The following DAB2IP variants were observed in gnomAD, a reference collection of about 807,000 sequenced individuals.
DAB2IP encodes the protein DAB2 interacting protein.
DAB2IP carries 28 observed loss-of-function variants against 107.2 expected under a neutral mutation model. That is an observed-to-expected ratio of 0.26 (90% CI 0.19 to 0.36). The LOEUF (loss-of-function observed/expected upper bound fraction) is 0.36, where lower values mean the gene tolerates loss of function less well. Ranked by LOEUF, DAB2IP falls within the 10% of genes least tolerant of loss-of-function variation. The probability of loss-of-function intolerance (pLI) is 1.00; values close to 1 mark genes in which losing one functional copy is unlikely to be tolerated. For synonymous variants in DAB2IP, 755 were observed against 706.4 expected, an observed-to-expected ratio of 1.07 and a Z score of -1.09; for missense variants, 1,400 against 1,644.7, an observed-to-expected ratio of 0.85 and a Z score of 2.57.
At position 121,684,639 on chromosome 9, in the gene DAB2IP, A is replaced by G. The variant is rs769168099; in HGVS notation, c.228+5858A>G. Among the ~76,000 whole-genome samples the G allele has an allele frequency of 2.7e-4, 41 of 152,192 alleles. No homozygotes were observed. The highest frequency in any genetic ancestry group is 2.6e-4 in the Non-Finnish European group (18 of 68,032). ...AGGAGGAATGCATGACTTCAGGTCC[A>G]GGAGGGGGCATTCTCTGCTCCCTGC... is the stretch of plus-strand genomic sequence containing the variant. On this transcript the variant is annotated intron_variant, in intron 2 of 15. Transcript: ENST00000408936. The surrounding 1 kb of genome is among the most constrained non-coding windows in gnomAD (Gnocchi z 4.0).
At chr9:121,751,346 T>G (rs1384359631) in intron 3 of DAB2IP, 3 of 155,010 alleles carry the variant, frequency 1.9e-5, no homozygotes, top group African/African-American at 7.2e-5. Context: ...ACTTTCTGGG[T>G]GCACCTTTTT....
exon 2 of DAB2IP, chr9:121,678,698 G>A: frequency 6.3e-7 from 1 of 1,580,414 alleles, no homozygotes. Flanking sequence ...AGAAAGGCCG[G>A]GCTCTCGGCG....
chr9:121,713,035 C>A (rs933848646), intron 3 of DAB2IP, among the ~76,000 whole-genome samples: 2 of 152,210 alleles, frequency 1.3e-5, no homozygotes, highest in Non-Finnish European at 2.9e-5. Flanking sequence ...TTGTAAACTT[C>A]CCCCTTTGTG....
intron 10 of DAB2IP, among the ~76,000 whole-genome samples, 168 bp downstream of exon 10, chr9:121,768,801 C>A (rs528315702): frequency 8.2e-4 from 125 of 152,348 alleles, no homozygotes; most frequent in African/African-American, 2.8e-3. Flanking sequence ...TCTCTGTGGG[C>A]AAATGCTATG....
rs115936501 is a variant in DAB2IP at position 121,604,287 on chromosome 9, C to T, written c.40+37059C>T. Reference sequence around the variant, plus strand: ...CAGCCTTTCCTGAATCTGACCTGAACGGTTCTAACCTCTCCCTGGGGCGAG... The same window carrying T: ...CAGCCTTTCCTGAATCTGACCTGAATGGTTCTAACCTCTCCCTGGGGCGAG... On this transcript the variant is annotated intron_variant, in intron 1 of 16. Transcript: ENST00000259371. Among the ~76,000 whole-genome samples, 580 of 152,314 alleles carry T rather than the reference C, an allele frequency of 3.8e-3. 3 individuals carry two copies. The highest frequency in any genetic ancestry group is 0.013 in the African/African-American group (554 of 41,568).
chr9:121,672,478 CATT>C (rs1159912264), intron 1 of DAB2IP, among the ~76,000 whole-genome samples: 2 of 152,230 alleles, frequency 1.3e-5, no homozygotes, highest in Non-Finnish European at 2.9e-5. Context: ...AAGCCAGCAG[CATT>C]TGAATGAAAC....
intron 3 of DAB2IP, among the ~76,000 whole-genome samples, chr9:121,700,403 G>A (rs1829709457): frequency 6.6e-6 from 1 of 152,178 alleles, no homozygotes; most frequent in Admixed American, 6.5e-5. Flanking sequence ...TTAGGCACAG[G>A]CATGGTGATG....
At chr9:121,638,813 G>A (rs909688250) in intron 1 of DAB2IP, among the ~76,000 whole-genome samples, 2 of 152,230 alleles carry the variant, frequency 1.3e-5, no homozygotes, top group Non-Finnish European at 2.9e-5. Context: ...AAGGTGATGA[G>A]GTGGACAGCC....
chr9:121,757,299 T>A, intron 4 of DAB2IP, 133 bp downstream of exon 4: 3 of 1,165,352 alleles, frequency 2.6e-6, no homozygotes, highest in Non-Finnish European at 2.3e-6. Context: ...CAGTGGCTAG[T>A]AGTTACCGAT....
chr9:121,584,169 C>A (rs919172107), intron 1 of DAB2IP, among the ~76,000 whole-genome samples: 2 of 152,010 alleles, frequency 1.3e-5, no homozygotes, highest in Non-Finnish European at 2.9e-5. Context: ...CGGAGTGAGA[C>A]TCTGTTCAAA....
At chr9:121,756,646 C>T (rs1304927453) in intron 3 of DAB2IP, among the ~76,000 whole-genome samples, 2 of 152,248 alleles carry the variant, frequency 1.3e-5, no homozygotes, top group African/African-American at 4.8e-5. Flanking sequence ...TGGGAAAGCG[C>T]CCAGAACTGC....
chr9:121,745,969 G>C (rs1273524920), intron 3 of DAB2IP, among the ~76,000 whole-genome samples: 1 of 152,200 alleles, frequency 6.6e-6, no homozygotes, highest in Non-Finnish European at 1.5e-5. Context: ...GGGTCTTTCA[G>C]ATTCCTGCTT....
At chr9:121,746,074 T>C (rs972771434) in intron 3 of DAB2IP, among the ~76,000 whole-genome samples, 1 of 151,938 alleles carries the variant, frequency 6.6e-6, no homozygotes, top group African/African-American at 2.4e-5. Context: ...TTTTGAGAGC[T>C]CAGCTGTGGG....
At chr9:121,742,929 T>C in intron 3 of DAB2IP, 1 of 985,484 alleles carries the variant, frequency 1.0e-6, no homozygotes, top group Non-Finnish European at 1.2e-6. Flanking sequence ...CAGGTGAGAC[T>C]CCTCATCTTG....
At chr9:121,641,983 T>TC (rs1465635727) in intron 1 of DAB2IP, among the ~76,000 whole-genome samples, 28 of 120,036 alleles carry the variant, frequency 2.3e-4, no homozygotes, top group East Asian at 9.6e-4. Context: ...TTTCTTTCTT[T>TC]CTTTCTTTCC....
chr9:121,583,635 G>A (rs1002989629), intron 1 of DAB2IP, among the ~76,000 whole-genome samples: 9 of 151,886 alleles, frequency 5.9e-5, no homozygotes, highest in South Asian at 4.2e-4. Flanking sequence ...CCAACAAGGC[G>A]GGGCAGCTGT....
chr9:121,732,953 A>G (rs575228403), intron 3 of DAB2IP, among the ~76,000 whole-genome samples: 8 of 152,328 alleles, frequency 5.3e-5, no homozygotes. Context: ...AAAGCCACAC[A>G]AGTATAGATG....
At chr9:121,767,371 C>T (rs1412315610) in intron 9 of DAB2IP, among the ~76,000 whole-genome samples, 2 of 152,154 alleles carry the variant, frequency 1.3e-5, no homozygotes, top group Admixed American at 6.6e-5. Context: ...GCCAGGGAGA[C>T]GTGTGGAATG....
At chr9:121,689,845 C>T (rs906089128) in intron 2 of DAB2IP, among the ~76,000 whole-genome samples, 2 of 152,238 alleles carry the variant, frequency 1.3e-5, no homozygotes, top group African/African-American at 4.8e-5. Flanking sequence ...GACTAATCCC[C>T]GCATTGTACA....
Sources: gnomAD v4.1 joint callset for allele counts (sites outside exome capture counted in the v4.1 genomes callset) on GRCh38, gnomAD v4.1.1 for gene constraint, Gnocchi (gnomAD v3.1) non-coding constraint, MANE v1.5 for transcripts, NCBI Gene and HGNC (gene_info 2026-07-23, HGNC 2026-07-21) for gene names.